Variants in SLF1 observed in about 807,000 individuals in gnomAD.
The protein encoded by SLF1 is SMC5/6 complex localization factor 1, also known as SMC5-SMC6 complex localization factor protein 1.
Under a neutral mutation model 123.0 loss-of-function variants are expected in SLF1, and 105 were observed. The ratio of observed to expected loss-of-function variants is 0.85; its 90% CI spans 0.73 to 1.00. The LOEUF (loss-of-function observed/expected upper bound fraction) is 1.00. Ranked by LOEUF, SLF1 falls within the 50% of genes least tolerant of loss-of-function variation. The pLI is 0.00. For synonymous variants in SLF1, 434 were observed against 406.6 expected (o/e 1.07, Z -0.81); for missense variants, 1,239 against 1,223.0 (o/e 1.01, Z -0.20).
chr5:94,664,485 G>A (rs1183248406), intron 11 of SLF1, among the ~76,000 whole-genome samples: 1 of 152,142 alleles, frequency 6.6e-6, no homozygotes, highest in Non-Finnish European at 1.5e-5. Flanking sequence ...TGTAGAGATG[G>A]AGTCTTGCTA....
intron 9 of SLF1, among the ~76,000 whole-genome samples, chr5:94,661,638 A>G (rs563687612): frequency 6.6e-6 from 1 of 151,316 alleles, no homozygotes; most frequent in Non-Finnish European, 1.5e-5. Context: ...AGGTTCAAGC[A>G]ATTCTCCTGC....
At chr5:94,658,053 A>G (rs1748618718) in intron 9 of SLF1, among the ~76,000 whole-genome samples, 1 of 151,812 alleles carries the variant, frequency 6.6e-6, no homozygotes, top group Admixed American at 6.6e-5. Flanking sequence ...CAAGGTTATT[A>G]TGGGTGAGGA....
chr5:94,660,354 C>T (rs1429230770), intron 9 of SLF1, among the ~76,000 whole-genome samples: 1 of 152,196 alleles, frequency 6.6e-6, no homozygotes, highest in East Asian at 1.9e-4. Flanking sequence ...GCTCAAGTGC[C>T]TGTTGCAGTA....
At chr5:94,684,216 G>C (rs1245363243) in intron 15 of SLF1, among the ~76,000 whole-genome samples, 1 of 152,138 alleles carries the variant, frequency 6.6e-6, no homozygotes, top group Non-Finnish European at 1.5e-5. Flanking sequence ...GAGATCAATT[G>C]GTTGCAGTAC....
intron 12 of SLF1, among the ~76,000 whole-genome samples, chr5:94,669,587 G>GTA (rs917734599): frequency 2.0e-5 from 3 of 151,864 alleles, no homozygotes; most frequent in Non-Finnish European, 4.4e-5. Flanking sequence ...GGGTCCTTGG[G>GTA]TATACAAGCC....
intron 5 of SLF1, among the ~76,000 whole-genome samples, chr5:94,644,622 A>G (rs1260257374): frequency 6.6e-6 from 1 of 151,918 alleles, no homozygotes; most frequent in Non-Finnish European, 1.5e-5. Context: ...ATTCTCCACT[A>G]CTCCTTCACT....
chr5:94,686,120 G>C (rs1283922412), intron 15 of SLF1, among the ~76,000 whole-genome samples: 1 of 152,130 alleles, frequency 6.6e-6, no homozygotes, highest in Non-Finnish European at 1.5e-5. Flanking sequence ...ATAGGAAGCA[G>C]TCTACTTTCT....
chr5:94,671,770 G>T (rs990971733), intron 14 of SLF1, among the ~76,000 whole-genome samples: 1 of 147,976 alleles, frequency 6.8e-6, no homozygotes, highest in Non-Finnish European at 1.5e-5. Flanking sequence ...CATTCATTTC[G>T]TAGTTTGGTA....
At chr5:94,686,786 T>G (rs905528170) in intron 16 of SLF1, 68 bp downstream of exon 16, 6 of 1,472,804 alleles carry the variant, frequency 4.1e-6, no homozygotes, top group Non-Finnish European at 1.8e-6. Context: ...ATTTTATTTA[T>G]TTAGTTATTT....
chr5:94,680,140 A>G (rs1205445311), intron 15 of SLF1, among the ~76,000 whole-genome samples: 1 of 152,220 alleles, frequency 6.6e-6, no homozygotes, highest in African/African-American at 2.4e-5. Flanking sequence ...ATTCTTCAGT[A>G]TGCCATCAAT....
chr5:94,676,634 GTC>G (rs1751099603), intron 14 of SLF1, among the ~76,000 whole-genome samples: 2 of 152,060 alleles, frequency 1.3e-5, no homozygotes, highest in East Asian at 3.9e-4. Flanking sequence ...ACACTTGAGG[GTC>G]TCTCTCCTAG....
At position 94,649,460 on chromosome 5, in the gene SLF1, A is replaced by C. The variant is rs1292062992; in HGVS notation, c.601A>C (p.Ile201Leu). The part of the protein sequence containing the change: ...YLGDFLLEKE[I>L]QNDEDSQTNS... ...CATTTTTACATACATACAGAAAGAAATTCAGAATGATGAAGATTCCCAAAC... is the reference window on the plus strand; with the variant it reads ...CATTTTTACATACATACAGAAAGAACTTCAGAATGATGAAGATTCCCAAAC... The change falls in exon 6 of 21, where the codon ATT becomes CTT. Residue 201 changes from isoleucine (I) to leucine (L), a missense_variant. Coordinates refer to ENST00000265140, the MANE Select transcript of SLF1 (RefSeq NM_032290.4). 5.4e-6 allele frequency: 8 copies of C among 1,494,716 alleles called. No homozygotes were observed. Among genetic ancestry groups the C allele is most frequent in the Non-Finnish European group, 7.2e-6 (8 of 1,109,230 alleles). The allele number at this position is 1,494,716 out of a possible 1,614,324, so 92.6% of individuals were successfully genotyped here.
rs1366881045 is a variant in SLF1 at position 94,663,734 on chromosome 5, A to C, written c.1210-16A>C. ...ATCTTTCTTTTCTCTGAATCATAGA[A>C]TCTTTCCTTTCTTAGGTTAAAAATG... On this transcript the variant is annotated splice_polypyrimidine_tract_variant and intron_variant, in intron 10 of 20. Coordinates refer to ENST00000265140, the MANE Select transcript of SLF1 (RefSeq NM_032290.4). 6.0e-6 allele frequency: 9 copies of C among 1,501,294 alleles called. No homozygotes were observed. Among genetic ancestry groups the C allele is most frequent in the East Asian group, 2.5e-5 (1 of 40,276 alleles). 93.0% of individuals were successfully genotyped at this position (1,501,294 alleles called of 1,614,324 possible).
rs1585137039 is a variant in SLF1, at chr5:94,644,960, A to C, written c.594+1525A>C. ...TTTGTGAAAGATGTTTGAGTCTTCC[A>C]AAATTACATGTAATATATCATTATA... On this transcript the variant is annotated intron_variant, in intron 5 of 20. Coordinates refer to ENST00000265140, the MANE Select transcript of SLF1 (RefSeq NM_032290.4). Among the ~76,000 whole-genome samples, 4 of 152,342 alleles carry C rather than the reference A, an allele frequency of 2.6e-5. 1 individual carries two copies. The highest frequency in any genetic ancestry group is 2.6e-4 in the Admixed American group (4 of 15,304).
At chr5:94,626,612 T>C (rs1792271844) in intron 1 of SLF1, among the ~76,000 whole-genome samples, 1 of 152,184 alleles carries the variant, frequency 6.6e-6, no homozygotes, top group South Asian at 2.1e-4. Flanking sequence ...TGAGTAAACA[T>C]TGTTTTGAAG....
Position 94,688,629 on chromosome 5 carries a change from G to C in SLF1, c.2245G>C (p.Gly749Arg). Residue 749 changes from glycine (G) to arginine (R), a missense_variant, in exon 17 of 21, where the codon GGT becomes CGT. Coordinates refer to ENST00000265140, the MANE Select transcript of SLF1 (RefSeq NM_032290.4). ...TCAGAGAACCTTACTAATGCTGAAT[G>C]GTACTAAACAAAAACAAGTCGAAGG... Reference protein sequence around the residue: ...DSQRTLLMLNGTKQKQVEGLP... With the variant: ...DSQRTLLMLNRTKQKQVEGLP... The C allele has an allele frequency of 6.2e-7, 1 of 1,614,014 alleles. No homozygotes were observed. The highest frequency in any genetic ancestry group is 8.5e-7 in the Non-Finnish European group (1 of 1,179,938).
At chr5:94,652,435 C>T (rs1260640246) in intron 7 of SLF1, among the ~76,000 whole-genome samples, 1 of 152,084 alleles carries the variant, frequency 6.6e-6, no homozygotes, top group Non-Finnish European at 1.5e-5. Flanking sequence ...GTATCTCTAA[C>T]TGATATGGTT....
At chr5:94,629,968 GATCTC>G (rs1341447221) in intron 3 of SLF1, among the ~76,000 whole-genome samples, 1 of 151,730 alleles carries the variant, frequency 6.6e-6, no homozygotes, top group African/African-American at 2.4e-5. Flanking sequence ...AACGTAGCGA[GATCTC>G]ATCTCTTAAG....
intron 10 of SLF1, 115 bp from the exon 11 acceptor site, chr5:94,663,635 A>G (rs1585179224): frequency 1.0e-6 from 1 of 958,040 alleles, no homozygotes; most frequent in East Asian, 2.8e-5. Flanking sequence ...ACAGAGTGAG[A>G]CTCCGTCTCA....
Sources: gnomAD v4.1 joint callset for allele counts (sites outside exome capture counted in the v4.1 genomes callset) on GRCh38, gnomAD v4.1.1 for gene constraint, MANE v1.5 for transcripts, NCBI Gene and HGNC (gene_info 2026-07-23, HGNC 2026-07-21) for gene names.